The following MSRA variants were observed in gnomAD, a reference collection of about 807,000 sequenced individuals.
MSRA encodes methionine sulfoxide reductase A.
Under a neutral mutation model 31.3 loss-of-function variants are expected in MSRA, and 54 were observed. The observed-to-expected ratio is 1.73, with a 90% confidence interval of 1.39 to 2.17. The LOEUF is 2.17. MSRA is among the 30% of genes most tolerant of loss of function. The pLI is 0.00. For missense variants in MSRA, 507 were observed against 300.9 expected (o/e 1.69, Z -5.07); for synonymous variants, 169 against 116.5 (o/e 1.45, Z -2.90).
chr8:10,164,219 A>G (rs1331713146), intron 1 of MSRA, among the ~76,000 whole-genome samples: 6 of 152,224 alleles, frequency 3.9e-5, no homozygotes, highest in Admixed American at 2.6e-4. Context: ...AACGATTGCC[A>G]TTCACAGTTT....
rs543535146 is a variant in MSRA at position 10,362,948 on chromosome 8, A to T, written c.543+42959A>T. Among the ~76,000 whole-genome samples the T allele has an allele frequency of 2.4e-4, 36 of 152,278 alleles. No homozygotes were observed. In the South Asian group the frequency reaches 2.7e-3, roughly 11 times the overall value. On this transcript the variant is annotated intron_variant, in intron 5 of 5. Transcript: ENST00000317173. ...TTAAATGTCATTTGTGAAACAACAGAAGGACGTGCTGTTTTTGCAGCATCT... is the reference window on the plus strand; with the variant it reads ...TTAAATGTCATTTGTGAAACAACAGTAGGACGTGCTGTTTTTGCAGCATCT...
intron 1 of MSRA, among the ~76,000 whole-genome samples, chr8:10,099,767 T>C (rs368312686): frequency 2.0e-5 from 3 of 152,146 alleles, no homozygotes; most frequent in African/African-American, 7.2e-5. Flanking sequence ...GCGGTGGCCA[T>C]TGGAGATGAT....
At chr8:10,322,414 A>T (rs17151745) in intron 5 of MSRA, among the ~76,000 whole-genome samples, 1 of 152,086 alleles carries the variant, frequency 6.6e-6, no homozygotes. Context: ...TACAAAGACC[A>T]GAACTTGGAA....
chr8:10,127,351 T>A (rs1166360888), intron 1 of MSRA, among the ~76,000 whole-genome samples: 1 of 152,230 alleles, frequency 6.6e-6, no homozygotes, highest in Non-Finnish European at 1.5e-5. Flanking sequence ...CAATTTTGTT[T>A]CTTCTTTTTA....
At chr8:10,266,649 A>G (rs761973235) in intron 3 of MSRA, among the ~76,000 whole-genome samples, 3 of 152,142 alleles carry the variant, frequency 2.0e-5, no homozygotes, top group Non-Finnish European at 2.9e-5. Context: ...ATATCTAAGA[A>G]CTATTTGTCT....
At chr8:10,327,526 C>G (rs960938801) in intron 5 of MSRA, among the ~76,000 whole-genome samples, 6 of 152,192 alleles carry the variant, frequency 3.9e-5, no homozygotes, top group African/African-American at 1.4e-4. Context: ...AGATTGCAGC[C>G]AGATATTTAG....
chr8:10,231,825 C>T (rs921485336), intron 2 of MSRA, among the ~76,000 whole-genome samples: 5 of 152,144 alleles, frequency 3.3e-5, no homozygotes, highest in African/African-American at 4.8e-5. Flanking sequence ...ATTGCTTGAG[C>T]CTGGGAGGCA....
At position 10,320,632 on chromosome 8, in the gene MSRA, A is replaced by G. The variant is rs192201026; in HGVS notation, c.543+643A>G. On this transcript the variant is annotated intron_variant, in intron 5 of 5. Coordinates refer to ENST00000317173, the MANE Select transcript of MSRA (RefSeq NM_012331.5). ...CCCTCTGTATTAGTTTTACAGGGCT[A>G]TTGTAACAAACAGTCACAGCCTGGT... 3.9e-3 allele frequency among the ~76,000 whole-genome samples: 592 copies of G among 152,220 alleles called. 4 individuals are homozygous for G. Among genetic ancestry groups the G allele is most frequent in the Non-Finnish European group, 6.9e-3 (469 of 68,006 alleles).
chr8:10,391,471 T>A (rs1310510074), intron 5 of MSRA, among the ~76,000 whole-genome samples: 1 of 152,216 alleles, frequency 6.6e-6, no homozygotes, highest in Non-Finnish European at 1.5e-5. Flanking sequence ...ATTCTCTGAT[T>A]GAACCAAAAT....
At chr8:10,280,916 G>A (rs1799589588) in intron 3 of MSRA, among the ~76,000 whole-genome samples, 2 of 152,198 alleles carry the variant, frequency 1.3e-5, no homozygotes, top group South Asian at 2.1e-4. Flanking sequence ...ACCATAGAGT[G>A]TATGATTCTA....
chr8:10,281,580 C>G (rs1247080231), intron 3 of MSRA, among the ~76,000 whole-genome samples: 1 of 152,236 alleles, frequency 6.6e-6, no homozygotes, highest in Non-Finnish European at 1.5e-5. Flanking sequence ...AGCCAGTACA[C>G]CGCATATAAC....
At chr8:10,199,192 T>C (rs1381115048) in intron 1 of MSRA, among the ~76,000 whole-genome samples, 1 of 152,194 alleles carries the variant, frequency 6.6e-6, no homozygotes, top group African/African-American at 2.4e-5. Context: ...GCTGGGTTCC[T>C]CTTGCACTCT....
intron 1 of MSRA, among the ~76,000 whole-genome samples, chr8:10,122,818 A>C (rs150407992): frequency 0.016 from 2,504 of 152,318 alleles, 28 homozygotes; most frequent in Non-Finnish European, 0.022. Context: ...TAGTTTGCTA[A>C]GGATAATATC....
At chr8:10,325,540 T>C (rs545689996) in intron 5 of MSRA, among the ~76,000 whole-genome samples, 5 of 152,194 alleles carry the variant, frequency 3.3e-5, no homozygotes, top group Non-Finnish European at 5.9e-5. Context: ...AATGCATTCA[T>C]GTATTTATGA....
intron 3 of MSRA, among the ~76,000 whole-genome samples, chr8:10,267,151 C>T (rs1798788520): frequency 6.6e-6 from 1 of 152,124 alleles, no homozygotes; most frequent in African/African-American, 2.4e-5. Context: ...CATTGTTTAC[C>T]CCACCCGCTC....
At chr8:10,145,899 C>G (rs1331521306) in intron 1 of MSRA, among the ~76,000 whole-genome samples, 1 of 152,052 alleles carries the variant, frequency 6.6e-6, no homozygotes, top group South Asian at 2.1e-4. Context: ...TTCATCATTA[C>G]TATTATTAAG....
rs149870109 is a variant in MSRA, at chr8:10,428,283, G to C, written c.679G>C (p.Val227Leu). Residue 227 changes from valine (V) to leucine (L), a missense_variant, in exon 6 of 6, where the codon GTG becomes CTG. Coordinates refer to ENST00000317173, the MANE Select transcript of MSRA (RefSeq NM_012331.5). ...CTACTGCGGCCTTGGGGGCACCGGC[G>C]TGTCCTGCCCAGTGGGTATTAAAAA... ...NGYCGLGGTG[V>L]SCPVGIKK The C allele has an allele frequency of 7.4e-6, 12 of 1,613,810 alleles. No homozygotes were observed. In the African/African-American group the frequency reaches 1.2e-4, roughly 16 times the overall value.
intron 1 of MSRA, among the ~76,000 whole-genome samples, chr8:10,063,250 G>A (rs1018145477): frequency 1.3e-5 from 2 of 152,066 alleles, no homozygotes; most frequent in Non-Finnish European, 2.9e-5. Context: ...CATGAGTCCC[G>A]ATGACTTCTT....
chr8:10,134,185 C>T (rs959983027), intron 1 of MSRA, among the ~76,000 whole-genome samples: 6 of 152,170 alleles, frequency 3.9e-5, no homozygotes, highest in Admixed American at 2.6e-4. Flanking sequence ...ATGCCTTTCT[C>T]GTGCCATCCG....
Sources: allele counts gnomAD v4.1 joint callset (sites outside exome capture counted in the v4.1 genomes callset), GRCh38; gene constraint gnomAD v4.1.1; transcripts MANE v1.5; gene names NCBI Gene and HGNC (gene_info 2026-07-23, HGNC 2026-07-21).